CADM1: variants seen among roughly 807,000 people sequenced by gnomAD.
The protein encoded by CADM1 is cell adhesion molecule 1, also known as TSLC-1.
In CADM1, 15 loss-of-function variants were observed where a neutral mutation model predicts 53.1. The ratio of observed to expected loss-of-function variants is 0.28; its 90% CI spans 0.19 to 0.44. The LOEUF (loss-of-function observed/expected upper bound fraction) is 0.44. Ranked by LOEUF, CADM1 falls within the 20% of genes least tolerant of loss-of-function variation. The pLI, the probability that CADM1 is intolerant of heterozygous loss-of-function variation, is 1.00. For synonymous variants in CADM1, 281 were observed against 243.0 expected, an observed-to-expected ratio of 1.16 and a Z score of -1.45; for missense variants, 434 against 611.3, an observed-to-expected ratio of 0.71 and a Z score of 3.06.
intron 1 of CADM1, among the ~76,000 whole-genome samples, chr11:115,317,550 TAA>T (rs1447469546): frequency 2.0e-5 from 3 of 152,312 alleles, no homozygotes; most frequent in Middle Eastern, 3.4e-3. Flanking sequence ...CATCACGTGT[TAA>T]GTTTATTTTT....
chr11:115,460,953 T>C (rs1269788928), intron 1 of CADM1, among the ~76,000 whole-genome samples: 4 of 152,128 alleles, frequency 2.6e-5, no homozygotes, highest in Admixed American at 2.6e-4. Context: ...CATGGCTAAA[T>C]AGAAAGGCTC....
chr11:115,407,875 A>T (rs1212405466), intron 1 of CADM1, among the ~76,000 whole-genome samples: 1 of 61,708 alleles, frequency 1.6e-5, no homozygotes, highest in Non-Finnish European at 4.6e-5. Context: ...CTGTCATTTA[A>T]AAAAAAAAAA....
intron 7 of CADM1, among the ~76,000 whole-genome samples, chr11:115,209,873 A>G (rs1940871328): frequency 6.6e-6 from 1 of 152,178 alleles, no homozygotes; most frequent in East Asian, 1.9e-4. Context: ...ATTTTCATTA[A>G]TGAAGTGAAT....
intron 1 of CADM1, among the ~76,000 whole-genome samples, chr11:115,250,045 C>T (rs1333053258): frequency 2.0e-5 from 3 of 152,126 alleles, no homozygotes; most frequent in Admixed American, 6.5e-5. Context: ...GCTGGGACTA[C>T]AGGCGCCCGC....
chr11:115,488,703 T>C (rs1447381224), intron 1 of CADM1, among the ~76,000 whole-genome samples: 1 of 152,240 alleles, frequency 6.6e-6, no homozygotes, highest in Non-Finnish European at 1.5e-5. Context: ...TGTTTAAAGC[T>C]AGATCAGTTG....
At position 115,404,557 on chromosome 11, in the gene CADM1, T is replaced by A. The variant is rs1332637329; in HGVS notation, c.124+99714A>T. ...CAAAACCATAAAGGAAAAGATTGAGTTTGCCTGCATTAAAATTAATATAAA... is the reference window on the plus strand; with the variant it reads ...CAAAACCATAAAGGAAAAGATTGAGATTGCCTGCATTAAAATTAATATAAA... On this transcript the variant is annotated intron_variant, in intron 1 of 11. Transcript: ENST00000331581. 6.1e-5 allele frequency among the ~76,000 whole-genome samples: 9 copies of A among 147,638 alleles called. No individual in the cohort carries two copies. The East Asian group carries it at 1.6e-3, about 26-fold the overall frequency.
chr11:115,424,470 C>T (rs573160941), intron 1 of CADM1, among the ~76,000 whole-genome samples: 1 of 152,286 alleles, frequency 6.6e-6, no homozygotes, highest in Non-Finnish European at 1.5e-5. Context: ...ATATACTATA[C>T]ATAAAGAAGT....
chr11:115,246,560 G>A (rs1305621405), intron 1 of CADM1, among the ~76,000 whole-genome samples: 1 of 152,128 alleles, frequency 6.6e-6, no homozygotes, highest in East Asian at 1.9e-4. Flanking sequence ...TAGGCCCAGG[G>A]AGCAGATAGG....
chr11:115,259,259 T>G (rs2135010103), intron 1 of CADM1, among the ~76,000 whole-genome samples: 1 of 148,848 alleles, frequency 6.7e-6, no homozygotes, highest in Admixed American at 6.7e-5. Context: ...GTGCTGGAAT[T>G]ACAGGCGTGC....
At chr11:115,361,739 T>A (rs116502932) in intron 1 of CADM1, among the ~76,000 whole-genome samples, 2,041 of 152,174 alleles carry the variant, frequency 0.013, 58 homozygotes, top group African/African-American at 0.046. Context: ...TATTATTTTT[T>A]TTTTTGAGAC....
chr11:115,214,918 C>G lies in CADM1; in HGVS notation c.822-138G>C, dbSNP rs184014809. ...GTTCACAGAATTACAACTGTGAAGTCTCCAAAAATCTGTTTGGTATACAAT... is the reference window on the plus strand; with the variant it reads ...GTTCACAGAATTACAACTGTGAAGTGTCCAAAAATCTGTTTGGTATACAAT... On this transcript the variant is annotated intron_variant, in intron 6 of 11. Transcript: ENST00000331581. The G allele has an allele frequency of 2.0e-5, 19 of 935,992 alleles. No individual in the cohort carries two copies. In the African/African-American group the frequency reaches 2.8e-4, roughly 14 times the overall value. The allele number at this position is 935,992 out of a possible 1,614,324, so 58.0% of individuals were successfully genotyped here. A position where few individuals can be genotyped will look rare whatever the true frequency, so the allele number is the denominator to read the frequency against.
intron 1 of CADM1, among the ~76,000 whole-genome samples, chr11:115,360,505 C>T (rs543480510): frequency 8.7e-4 from 132 of 152,284 alleles, no homozygotes; most frequent in Middle Eastern, 3.4e-3. Context: ...GAATTAAATG[C>T]TGACACCAAA....
rs148828032 is a variant in CADM1 at position 115,279,184 on chromosome 11, C to A, written c.125-38764G>T. On this transcript the variant is annotated intron_variant, in intron 1 of 11. Coordinates refer to ENST00000331581, the MANE Select transcript of CADM1 (RefSeq NM_001301043.2). ...AGCCCTTTGTGGACAGACCCTTTAA[C>A]AACCCATAAGTCAGAAAACTAGACT... Among the ~76,000 whole-genome samples the A allele has an allele frequency of 1.6e-3, 250 of 152,266 alleles. 1 individual carries two copies. Among genetic ancestry groups the A allele is most frequent in the African/African-American group, 5.8e-3 (239 of 41,558 alleles).
chr11:115,192,548 T>A (rs548740152), intron 9 of CADM1, among the ~76,000 whole-genome samples: 1 of 152,208 alleles, frequency 6.6e-6, no homozygotes, highest in African/African-American at 2.4e-5. Context: ...ATAGGCAACA[T>A]AAAGTACTCC....
intron 1 of CADM1, among the ~76,000 whole-genome samples, chr11:115,369,041 A>AAAAAAAAAAAAAAAAAAAAAAAT (rs1946246990): frequency 6.8e-6 from 1 of 147,904 alleles, no homozygotes. Context: ...AAAAAAAAAA[A>AAAAAAAAAAAAAAAAAAAAAAAT]AAAAAAAAAA....
chr11:115,397,024 G>T (rs944593505), intron 1 of CADM1: 5 of 151,968 alleles, frequency 3.3e-5, no homozygotes, highest in African/African-American at 1.2e-4. Context: ...CAGGAGAAAA[G>T]AAATTATGAA....
chr11:115,448,109 T>C (rs1045370460), intron 1 of CADM1, among the ~76,000 whole-genome samples: 11 of 152,186 alleles, frequency 7.2e-5, no homozygotes, highest in African/African-American at 2.7e-4. Context: ...TACAGTTTTC[T>C]AGACCAGTGC....
chr11:115,357,805 A>G (rs1383814680), intron 1 of CADM1, among the ~76,000 whole-genome samples: 8 of 152,066 alleles, frequency 5.3e-5, no homozygotes, highest in Admixed American at 5.2e-4. Flanking sequence ...GTATTAAACT[A>G]TATTCAAACT....
In CADM1 at chr11:115,174,887, A is replaced by C. The variant is rs1938951029; in HGVS notation, c.*1587T>G. ...TACTTCTAGATTTCCTAGACGTTTC[A>C]GTGAAAATCCCCACACTTCTTTCTT... On this transcript the variant is annotated 3_prime_UTR_variant, in exon 12 of 12. Coordinates refer to ENST00000331581, the MANE Select transcript of CADM1 (RefSeq NM_001301043.2). 1 of 985,756 alleles carries C rather than the reference A, an allele frequency of 1.0e-6. No homozygotes were observed. Among genetic ancestry groups the C allele is most frequent in the African/African-American group, 1.7e-5 (1 of 57,340 alleles). The allele number at this position is 985,756 out of a possible 1,614,324, so 61.1% of individuals were successfully genotyped here.
Sources: gnomAD v4.1 joint callset for allele counts (sites outside exome capture counted in the v4.1 genomes callset) on GRCh38, gnomAD v4.1.1 for gene constraint, MANE v1.5 for transcripts, NCBI Gene and HGNC (gene_info 2026-07-23, HGNC 2026-07-21) for gene names.